Variants in P3H2 observed in about 807,000 individuals in gnomAD.
The protein encoded by P3H2 is leprecan-like 1.
P3H2 carries 80 observed loss-of-function variants against 87.0 expected under a neutral mutation model. That is an observed-to-expected ratio of 0.92 (90% confidence interval 0.77 to 1.11). P3H2 has a LOEUF of 1.11. P3H2 is among the 50% of genes least tolerant of loss of function. P3H2 has a pLI of 0.00. For missense variants in P3H2, 1,001 were observed against 923.9 expected, an observed-to-expected ratio of 1.08 and a Z score of -1.08; for synonymous variants, 367 against 359.3, an observed-to-expected ratio of 1.02 and a Z score of -0.24.
intron 1 of P3H2, among the ~76,000 whole-genome samples, chr3:190,042,152 T>G (rs1482545847): frequency 1.3e-5 from 2 of 152,208 alleles, no homozygotes; most frequent in African/African-American, 2.4e-5. Flanking sequence ...TTAAGACCTA[T>G]CCTGACTAGG....
chr3:190,107,799 T>G (rs1363768059), intron 1 of P3H2, among the ~76,000 whole-genome samples: 2 of 152,202 alleles, frequency 1.3e-5, no homozygotes, highest in African/African-American at 4.8e-5. Context: ...CTTTCAAGCC[T>G]CAGAATAGTA....
intron 1 of P3H2, among the ~76,000 whole-genome samples, chr3:190,035,287 C>T (rs1203480624): frequency 6.6e-6 from 1 of 151,904 alleles, no homozygotes; most frequent in Admixed American, 6.6e-5. Context: ...ACATTATTTG[C>T]TGCATAACTT....
chr3:190,087,501 A>T (rs1007254519), intron 1 of P3H2, among the ~76,000 whole-genome samples: 4 of 142,142 alleles, frequency 2.8e-5, no homozygotes, highest in African/African-American at 5.3e-5. Flanking sequence ...CCGAGATCAC[A>T]CCACTGCACT....
chr3:190,053,450 GTTT>G (rs1282152069), intron 1 of P3H2, among the ~76,000 whole-genome samples: 1 of 128,916 alleles, frequency 7.8e-6, no homozygotes, highest in African/African-American at 2.9e-5. Flanking sequence ...AAATAAAGTG[GTTT>G]TTTTTTTTTT....
At chr3:190,007,986 A>ATATG (rs1560359925) in intron 1 of P3H2, among the ~76,000 whole-genome samples, 4 of 141,620 alleles carry the variant, frequency 2.8e-5, no homozygotes, top group African/African-American at 1.1e-4. Flanking sequence ...ATATATATAT[A>ATATG]GTAAACTTCA....
chr3:189,957,285 C>G lies in P3H2; in HGVS notation c.*627G>C. Reference sequence around the variant, plus strand: ...ACTTTGGAGAGTCGGAGCTCATGGCCGTTAGCACCTAAGGATGTGGCTGAA... The same window carrying G: ...ACTTTGGAGAGTCGGAGCTCATGGCGGTTAGCACCTAAGGATGTGGCTGAA... On this transcript the variant is annotated 3_prime_UTR_variant, in exon 15 of 15. Transcript: ENST00000319332. 1 of 399,404 alleles carries G rather than the reference C, an allele frequency of 2.5e-6. No individual in the cohort carries two copies. Among genetic ancestry groups the G allele is most frequent in the Non-Finnish European group, 4.4e-6 (1 of 227,030 alleles). The allele number at this position is 399,404 out of a possible 1,614,324, so 24.7% of individuals were successfully genotyped here.
At chr3:190,086,468 A>G (rs1727214439) in intron 1 of P3H2, among the ~76,000 whole-genome samples, 1 of 152,206 alleles carries the variant, frequency 6.6e-6, no homozygotes, top group Admixed American at 6.5e-5. Context: ...GTTCTGCTGG[A>G]TTCCTTACCC....
chr3:189,970,604 C>T lies in P3H2; in HGVS notation c.1893+212G>A, dbSNP rs186568828. Among the ~76,000 whole-genome samples, 342 of 152,054 alleles carry T rather than the reference C, an allele frequency of 2.2e-3. 1 individual carries two copies. The highest frequency in any genetic ancestry group is 8.0e-3 in the African/African-American group (330 of 41,478). On this transcript the variant is annotated intron_variant, in intron 13 of 14. Transcript: ENST00000319332. ...ATGATCATGATAAAATGATTAATAT[C>T]TCAATTCTTTAATTTACTCATCTTT...
chr3:190,076,421 G>A (rs1056999920), intron 1 of P3H2, among the ~76,000 whole-genome samples: 1 of 152,150 alleles, frequency 6.6e-6, no homozygotes, highest in East Asian at 1.9e-4. Flanking sequence ...CTTCAGTACA[G>A]TGCCAGGCTA....
At position 189,958,040 on chromosome 3, in the gene P3H2, G is replaced by A. The variant is rs370170000; in HGVS notation, c.2035-36C>T. ...GACAATTTACACATTTCTGTTACAAGCATAATAATCAGTCTCATCAGCAGA... is the reference window on the plus strand; with the variant it reads ...GACAATTTACACATTTCTGTTACAAACATAATAATCAGTCTCATCAGCAGA... On this transcript the variant is annotated intron_variant, in intron 14 of 14. Coordinates refer to ENST00000319332, the MANE Select transcript of P3H2 (RefSeq NM_018192.4). 9.4e-6 allele frequency: 14 copies of A among 1,485,408 alleles called. No individual in the cohort carries two copies. In the South Asian group the frequency reaches 1.2e-4, roughly 13 times the overall value. 92.0% of individuals were successfully genotyped at this position (1,485,408 alleles called of 1,614,324 possible). A position where few individuals can be genotyped will look rare whatever the true frequency, so the allele number is the denominator to read the frequency against.
intron 12 of P3H2, 105 bp from the exon 13 acceptor site, chr3:189,970,996 T>C: frequency 1.4e-6 from 1 of 705,766 alleles, no homozygotes; most frequent in Non-Finnish European, 2.6e-6. Context: ...CATTAGTAAG[T>C]TTCCTTTGAA....
chr3:189,959,325 T>C (rs1722738702), intron 14 of P3H2, among the ~76,000 whole-genome samples: 1 of 151,534 alleles, frequency 6.6e-6, no homozygotes, highest in Admixed American at 6.6e-5. Flanking sequence ...TACATATGTA[T>C]ACATGTGCCA....
At chr3:190,063,245 A>G (rs1726388922) in intron 1 of P3H2, among the ~76,000 whole-genome samples, 1 of 152,164 alleles carries the variant, frequency 6.6e-6, no homozygotes, top group Non-Finnish European at 1.5e-5. Context: ...GCAGATAGCA[A>G]GGGCTGTGGA....
chr3:189,998,198 TA>T (rs1186848192), intron 1 of P3H2, among the ~76,000 whole-genome samples: 1 of 151,940 alleles, frequency 6.6e-6, no homozygotes, highest in Non-Finnish European at 1.5e-5. Context: ...GAGGATAGAG[TA>T]GGTGCTTCTG....
intron 1 of P3H2, among the ~76,000 whole-genome samples, chr3:190,071,612 C>T (rs976573763): frequency 2.0e-5 from 3 of 152,172 alleles, no homozygotes; most frequent in South Asian, 2.1e-4. Flanking sequence ...ATCATAGTCA[C>T]CAACTTATTG....
intron 1 of P3H2, among the ~76,000 whole-genome samples, chr3:190,089,037 G>A (rs1326531629): frequency 6.6e-6 from 1 of 152,116 alleles, no homozygotes; most frequent in Admixed American, 6.5e-5. Flanking sequence ...GTGTCCCCAG[G>A]CAGATATTGG....
intron 1 of P3H2, among the ~76,000 whole-genome samples, chr3:190,048,308 C>T (rs1037565914): frequency 3.9e-5 from 6 of 152,034 alleles, no homozygotes; most frequent in Non-Finnish European, 7.4e-5. Flanking sequence ...CCAGCCTGGC[C>T]AACATGGTGA....
At chr3:189,958,177 T>C (rs1470011560) in intron 14 of P3H2, among the ~76,000 whole-genome samples, 173 bp from the exon 15 acceptor site, 4 of 152,202 alleles carry the variant, frequency 2.6e-5, no homozygotes, top group African/African-American at 9.6e-5. Context: ...CTAACATTCC[T>C]GGGTCCTAAG....
intron 8 of P3H2, 109 bp downstream of exon 8, chr3:189,982,937 T>C (rs1723581975): frequency 1.2e-6 from 1 of 838,402 alleles, no homozygotes; most frequent in Non-Finnish European, 2.1e-6. Context: ...CTTAGTCTTA[T>C]TCTTTATTTT....
Sources: gnomAD v4.1 joint callset for allele counts (sites outside exome capture counted in the v4.1 genomes callset) on GRCh38, gnomAD v4.1.1 for gene constraint, MANE v1.5 for transcripts, NCBI Gene and HGNC (gene_info 2026-07-23, HGNC 2026-07-21) for gene names.